The following ETNK1 variants were observed in gnomAD, a reference collection of about 807,000 sequenced individuals.
The protein encoded by ETNK1 is putative protein product of Nbla10396.
ETNK1 carries 8 observed loss-of-function variants against 45.1 expected under a neutral mutation model. That is an observed-to-expected ratio of 0.18 (90% CI 0.10 to 0.32). The LOEUF (loss-of-function observed/expected upper bound fraction) is 0.32. Among genes scored for constraint, ETNK1 ranks in the 10% least tolerant of loss-of-function variants. The probability of loss-of-function intolerance (pLI) is 1.00; values close to 1 mark genes in which losing one functional copy is unlikely to be tolerated. For synonymous variants in ETNK1, 152 were observed against 151.9 expected, an observed-to-expected ratio of 1.00 and a Z score of -0.01; for missense variants, 302 against 430.6, an observed-to-expected ratio of 0.70 and a Z score of 2.64.
rs1196200009 is a variant in ETNK1 at position 22,630,079 on chromosome 12, T to C, written c.156+4493T>C. Among the ~76,000 whole-genome samples, 3 of 152,194 alleles carry C rather than the reference T, an allele frequency of 2.0e-5. No individual in the cohort carries two copies. The East Asian group carries it at 5.8e-4, about 29-fold the overall frequency. On this transcript the variant is annotated intron_variant, in intron 1 of 7. Coordinates refer to ENST00000266517, the MANE Select transcript of ETNK1 (RefSeq NM_018638.5). The stretch of plus-strand genomic sequence containing the variant: ...TGGACTACACAAACTGCGTCACATC[T>C]TTTTGGGGACTGAGCATAATGTGGA...
At chr12:22,677,392 A>G (rs1231407405) in intron 6 of ETNK1, among the ~76,000 whole-genome samples, 1 of 152,214 alleles carries the variant, frequency 6.6e-6, no homozygotes, top group Non-Finnish European at 1.5e-5. Flanking sequence ...TACCAGTACC[A>G]TGCTGTTTTG....
chr12:22,635,388 A>G (rs1953642729), intron 1 of ETNK1, among the ~76,000 whole-genome samples: 1 of 152,196 alleles, frequency 6.6e-6, no homozygotes, highest in Admixed American at 6.5e-5. Flanking sequence ...TCACCATGGG[A>G]TACCAACACC....
intron 2 of ETNK1, among the ~76,000 whole-genome samples, chr12:22,648,049 T>G (rs1177243781): frequency 1.3e-5 from 2 of 151,956 alleles, no homozygotes; most frequent in African/African-American, 4.8e-5. Context: ...ATGAAGAGAT[T>G]TTCCTTTTAA....
chr12:22,650,422 A>G (rs895074455), intron 2 of ETNK1, among the ~76,000 whole-genome samples: 1 of 151,856 alleles, frequency 6.6e-6, no homozygotes, highest in Non-Finnish European at 1.5e-5. Context: ...TTTTTTTTGT[A>G]GATATTCTTT....
chr12:22,669,812 A>G (rs1954089733), intron 4 of ETNK1, among the ~76,000 whole-genome samples: 2 of 130,356 alleles, frequency 1.5e-5, no homozygotes, highest in South Asian at 4.5e-4. Context: ...TCTACAAAAA[A>G]CAAAAAGAGA....
intron 1 of ETNK1, among the ~76,000 whole-genome samples, chr12:22,634,006 T>C (rs1953619587): frequency 6.6e-6 from 1 of 152,152 alleles, no homozygotes; most frequent in Non-Finnish European, 1.5e-5. Flanking sequence ...TAAAAGGTGA[T>C]AGTGGTCATT....
At chr12:22,666,655 G>T (rs1015159349) in intron 4 of ETNK1, among the ~76,000 whole-genome samples, 1 of 152,010 alleles carries the variant, frequency 6.6e-6, no homozygotes, top group Admixed American at 6.6e-5. Flanking sequence ...TTCAGTAATG[G>T]CAATCACTGT....
chr12:22,669,716 T>G (rs923827283), intron 4 of ETNK1, among the ~76,000 whole-genome samples: 2 of 152,094 alleles, frequency 1.3e-5, no homozygotes, highest in African/African-American at 4.8e-5. Context: ...TGGAATAATG[T>G]TCTGTGAATT....
intron 6 of ETNK1, among the ~76,000 whole-genome samples, chr12:22,675,709 T>A (rs1227259301): frequency 6.6e-6 from 1 of 152,062 alleles, no homozygotes. Flanking sequence ...AGAAGGAAAC[T>A]TACTTACTCT....
chr12:22,651,777 C>A (rs1953879615), intron 2 of ETNK1, among the ~76,000 whole-genome samples: 1 of 150,730 alleles, frequency 6.6e-6, no homozygotes, highest in African/African-American at 2.4e-5. Context: ...TCTCTGCCTC[C>A]CAGGTTCAAG....
At chr12:22,680,205 C>G (rs528739517) in intron 6 of ETNK1, among the ~76,000 whole-genome samples, 3 of 152,132 alleles carry the variant, frequency 2.0e-5, no homozygotes, top group Non-Finnish European at 4.4e-5. Flanking sequence ...GATTTCAGCA[C>G]CTTCTCCTTT....
chr12:22,651,234 A>G (rs1953870909), intron 2 of ETNK1, among the ~76,000 whole-genome samples: 1 of 152,208 alleles, frequency 6.6e-6, no homozygotes, highest in South Asian at 2.1e-4. Flanking sequence ...TGGTGGCCCC[A>G]CTTTAATCTT....
intron 6 of ETNK1, among the ~76,000 whole-genome samples, chr12:22,674,681 T>C (rs1039606844): frequency 6.6e-6 from 1 of 152,226 alleles, no homozygotes; most frequent in Non-Finnish European, 1.5e-5. Context: ...ATATTCCATT[T>C]ATGCATTGAA....
At chr12:22,656,319 A>G (rs1041869913) in intron 2 of ETNK1, 4 of 713,324 alleles carry the variant, frequency 5.6e-6, no homozygotes, top group Non-Finnish European at 6.9e-6. Flanking sequence ...AAAATACTTT[A>G]TTTAAAAAAC....
At chr12:22,657,898 T>A (rs961004498) in intron 2 of ETNK1, among the ~76,000 whole-genome samples, 1 of 152,190 alleles carries the variant, frequency 6.6e-6, no homozygotes, top group Non-Finnish European at 1.5e-5. Context: ...ATATTCACAA[T>A]AGTATAGAAA....
Position 22,661,109 on chromosome 12 carries a change from A to G in ETNK1, c.604A>G (p.Thr202Ala). 1 of 1,612,546 alleles carries G rather than the reference A, an allele frequency of 6.2e-7. No individual in the cohort carries two copies. The highest frequency in any genetic ancestry group is 8.5e-7 in the Non-Finnish European group (1 of 1,179,424). Residue 202 changes from threonine to alanine, a missense_variant, in exon 4 of 8, where the codon ACT becomes GCT. Physicochemically the swap from Thr to Ala is moderately conservative, Grantham distance 58. Transcript: ENST00000266517. ...PSSQILQEEM[T>A]WMKEILSNLG... ...CTCTCAGATTCTCCAGGAAGAGATG[A>G]CTTGGATGAAGGAGATTCTTTCCAA...
In ETNK1 at chr12:22,688,667, C is replaced by T. The variant is rs1014616081; in HGVS notation, c.*3713C>T. On this transcript the variant is annotated 3_prime_UTR_variant, in exon 8 of 8. Transcript: ENST00000266517. The stretch of plus-strand genomic sequence containing the variant: ...GTTAGCGATGCTTTATGCTAGGAAA[C>T]TTGTTGACAGTAACCTGTGCGACTT... The T allele has an allele frequency of 2.6e-5, 4 of 152,322 alleles. No individual in the cohort carries two copies. The highest frequency in any genetic ancestry group is 6.6e-5 in the Admixed American group (1 of 15,248). 9.4% of individuals were successfully genotyped at this position (152,322 alleles called of 1,614,324 possible). A position where few individuals can be genotyped will look rare whatever the true frequency, so the allele number is the denominator to read the frequency against.
At position 22,625,519 on chromosome 12, in the gene ETNK1, G is replaced by A. The variant is rs1340076253; in HGVS notation, c.89G>A (p.Arg30Gln). The A allele has an allele frequency of 6.2e-6, 10 of 1,606,442 alleles. No individual in the cohort carries two copies. The highest frequency in any genetic ancestry group is 7.6e-6 in the Non-Finnish European group (9 of 1,177,088). The change falls in exon 1 of 8, where the codon CGG (arginine) becomes CAG (glutamine). Residue 30 changes from arginine (R) to glutamine (Q), a missense_variant. Arg to Gln is a conservative substitution (Grantham distance 43). Around this residue, in one of 3 missense-constraint regions of ETNK1, gnomAD observed 205 missense variants for 259.9 expected, o/e 0.79. Transcript: ENST00000266517. ...CAGGATCAGGAGGAGCATCGCTGCCGGGAGGGGGCCCTGAGCCTCCTGCAA... is the reference window on the plus strand; with the variant it reads ...CAGGATCAGGAGGAGCATCGCTGCCAGGAGGGGGCCCTGAGCCTCCTGCAA... ...TVQDQEEHRC[R>Q]EGALSLLQHL...
chr12:22,673,165 T>C (rs1954127436), intron 5 of ETNK1, among the ~76,000 whole-genome samples: 1 of 152,174 alleles, frequency 6.6e-6, no homozygotes, highest in African/African-American at 2.4e-5. Flanking sequence ...GAGGTAGTGC[T>C]CCAAATGTCA....
Sources: gnomAD v4.1 joint callset for allele counts (sites outside exome capture counted in the v4.1 genomes callset) on GRCh38, gnomAD v4.1.1 for gene constraint, gnomAD v4.1.1 regional missense constraint, MANE v1.5 for transcripts, NCBI Gene and HGNC (gene_info 2026-07-23, HGNC 2026-07-21) for gene names.